Variants in SLC12A4 observed in about 807,000 individuals in gnomAD.
The protein encoded by SLC12A4 is solute carrier family 12 member 4.
A neutral mutation model predicts 119.2 loss-of-function variants in SLC12A4; 84 were observed. The observed-to-expected ratio is 0.70, with a 90% confidence interval of 0.59 to 0.85. SLC12A4 has a LOEUF of 0.85. SLC12A4 is among the 40% of genes least tolerant of loss of function. The pLI is 0.00. For synonymous variants in SLC12A4, 599 were observed against 604.6 expected, an observed-to-expected ratio of 0.99 and a Z score of 0.14; for missense variants, 1,298 against 1,476.3, an observed-to-expected ratio of 0.88 and a Z score of 1.98.
intron 3 of SLC12A4, among the ~76,000 whole-genome samples, chr16:67,958,427 C>A (rs547286956): frequency 6.6e-6 from 1 of 152,108 alleles, no homozygotes; most frequent in African/African-American, 2.4e-5. Flanking sequence ...CCCTCTCAAC[C>A]CCCAACTCTA....
rs529425568 is a variant in SLC12A4 at position 67,950,270 on chromosome 16, G to C, written c.1629+49C>G. The C allele has an allele frequency of 2.5e-6, 4 of 1,584,956 alleles. No individual in the cohort carries two copies. The highest frequency in any genetic ancestry group is 1.9e-4 in the Middle Eastern group (1 of 5,260). ...GTTCCCTATCTCTCTCCCCAGCCGG[G>C]CGAGGGCCTGGGAGCAGCCAGGCCA... On this transcript the variant is annotated intron_variant, in intron 12 of 23. Transcript: ENST00000316341. This position sits in a 1 kb window ranked among gnomAD's most constrained non-coding sequence, Gnocchi z 4.3.
At chr16:67,961,749 G>C in intron 2 of SLC12A4, 43 bp from the exon 3 acceptor site, 1 of 1,610,178 alleles carries the variant, frequency 6.2e-7, no homozygotes, top group Non-Finnish European at 8.5e-7. Flanking sequence ...GGGCCAGGTG[G>C]GTGCCAGCTG....
chr16:67,950,497 C>T lies in SLC12A4; in HGVS notation c.1455-4G>A. Reference sequence around the variant, plus strand: ...CCTGCTGACACCATCGCCATACCTGCAGGGGCCACCAGAGTGAGGGATGTC... The same window carrying T: ...CCTGCTGACACCATCGCCATACCTGTAGGGGCCACCAGAGTGAGGGATGTC... On this transcript the variant is annotated splice_region_variant and splice_polypyrimidine_tract_variant and intron_variant, in intron 11 of 23. Transcript: ENST00000316341. This position sits in a 1 kb window ranked among gnomAD's most constrained non-coding sequence, Gnocchi z 4.3. 1 of 1,613,762 alleles carries T rather than the reference C, an allele frequency of 6.2e-7. No homozygotes were observed. Among genetic ancestry groups the T allele is most frequent in the Non-Finnish European group, 8.5e-7 (1 of 1,179,872 alleles).
Position 67,945,883 on chromosome 16 carries a change from G to A in SLC12A4, c.2740-12C>T, listed in dbSNP as rs1262801036. 6.2e-7 allele frequency: 1 copy of A among 1,613,826 alleles called. No homozygotes were observed. Among genetic ancestry groups the A allele is most frequent in the Non-Finnish European group, 8.5e-7 (1 of 1,179,836 alleles). On this transcript the variant is annotated splice_polypyrimidine_tract_variant and intron_variant, in intron 20 of 23. Coordinates refer to ENST00000316341, the MANE Select transcript of SLC12A4 (RefSeq NM_005072.5). ...ATGTCACTGTTATGCTGGGGACAGG[G>A]TTGGCCGTGAGGACCCAGCTGCACG...
rs752371055 is a variant in SLC12A4 at position 67,947,116 on chromosome 16, C to T, written c.2073-11G>A. On this transcript the variant is annotated splice_polypyrimidine_tract_variant and intron_variant, in intron 16 of 23. Coordinates refer to ENST00000316341, the MANE Select transcript of SLC12A4 (RefSeq NM_005072.5). Reference sequence around the variant, plus strand: ...ACCAGCAGCTGCGGCCTGCAGTGGCCGGGTGGGGGGAGCCTGAGACCAGGG... The same window carrying T: ...ACCAGCAGCTGCGGCCTGCAGTGGCTGGGTGGGGGGAGCCTGAGACCAGGG... The T allele has an allele frequency of 1.4e-5, 22 of 1,574,362 alleles. No individual in the cohort carries two copies. Among genetic ancestry groups the T allele is most frequent in the South Asian group, 8.0e-5 (7 of 87,608 alleles).
At chr16:67,947,276 C>T (rs1017478395) in intron 16 of SLC12A4, 55 bp downstream of exon 16, 80 of 1,563,816 alleles carry the variant, frequency 5.1e-5, no homozygotes, top group African/African-American at 2.7e-5. Context: ...CCTCTGACCC[C>T]GACAGCGACC....
chr16:67,948,847 G>T (rs984421697), intron 13 of SLC12A4, among the ~76,000 whole-genome samples: 104 of 152,170 alleles, frequency 6.8e-4, no homozygotes, highest in Non-Finnish European at 2.1e-4. Context: ...GGGGTGTGGG[G>T]GGGTGGACAA....
rs1399580170 is a variant in SLC12A4, at chr16:67,951,593, GGGC to G, written c.1132+227_1132+229del. The stretch of plus-strand genomic sequence containing the variant: ...TGGGAACATCCCCAGGCAGTGTCAG[GGGC>G]TGGTGGCTGGGGAAGACAGGCTGCT... On this transcript the variant is annotated intron_variant, in intron 8 of 23. Coordinates refer to ENST00000316341, the MANE Select transcript of SLC12A4 (RefSeq NM_005072.5). This position sits in a 1 kb window ranked among gnomAD's most constrained non-coding sequence, Gnocchi z 5.2. 2.8e-5 allele frequency: 17 copies of G among 611,100 alleles called. No homozygotes were observed. The highest frequency in any genetic ancestry group is 4.6e-5 in the Non-Finnish European group (16 of 347,642). The allele number at this position is 611,100 out of a possible 1,614,324, so 37.9% of individuals were successfully genotyped here.
intron 2 of SLC12A4, chr16:67,962,890 A>C (rs2030657956): frequency 6.6e-6 from 1 of 152,246 alleles, no homozygotes; most frequent in Non-Finnish European, 1.5e-5. Context: ...TTACTCAGCC[A>C]TGCAGTGGCT....
In SLC12A4 at chr16:67,951,763, GCT is replaced by G. The variant is rs2029918855; in HGVS notation, c.1132+58_1132+59del. On this transcript the variant is annotated intron_variant, in intron 8 of 23. Transcript: ENST00000316341. This position sits in a 1 kb window ranked among gnomAD's most constrained non-coding sequence, Gnocchi z 5.2. Reference sequence around the variant, plus strand: ...GCTGGCCACACAAGGACAGCTCTGTGCTCTGTGCCCCTGCTCAGCCTGTGGGC... The same window carrying G: ...GCTGGCCACACAAGGACAGCTCTGTGCTGTGCCCCTGCTCAGCCTGTGGGC... 7.0e-7 allele frequency: 1 copy of G among 1,434,946 alleles called. No homozygotes were observed. Among genetic ancestry groups the G allele is most frequent in the Admixed American group, 2.0e-5 (1 of 50,964 alleles). 88.9% of individuals were successfully genotyped at this position (1,434,946 alleles called of 1,614,324 possible).
chr16:67,957,114 T>C (rs951511012), intron 5 of SLC12A4, among the ~76,000 whole-genome samples: 2 of 151,714 alleles, frequency 1.3e-5, no homozygotes, highest in Admixed American at 6.6e-5. Flanking sequence ...AGCTATTCTC[T>C]GCCTCAGCCT....
intron 3 of SLC12A4, 114 bp downstream of exon 3, chr16:67,961,461 T>G (rs2030560923): frequency 8.9e-6 from 13 of 1,460,298 alleles, no homozygotes; most frequent in Non-Finnish European, 1.2e-5. Context: ...CTGCTCACTA[T>G]GCTTGGCACC....
At chr16:67,963,682 G>T in intron 1 of SLC12A4, 123 bp from the exon 2 acceptor site, 1 of 849,136 alleles carries the variant, frequency 1.2e-6, no homozygotes, top group Non-Finnish European at 1.8e-6. Flanking sequence ...TCACCAGGTT[G>T]CAACTCAGTT....
At chr16:67,948,733 C>T (rs887459104) in intron 13 of SLC12A4, among the ~76,000 whole-genome samples, 7 of 152,118 alleles carry the variant, frequency 4.6e-5, no homozygotes, top group Middle Eastern at 6.8e-3. Context: ...GCAGGAGGCC[C>T]GAGATAAAGG....
At chr16:67,948,383 T>C (rs1044710846) in intron 13 of SLC12A4, among the ~76,000 whole-genome samples, 1 of 151,912 alleles carries the variant, frequency 6.6e-6, no homozygotes, top group Non-Finnish European at 1.5e-5. Flanking sequence ...GGGTTTGCTG[T>C]TGGAGGAGGT....
In SLC12A4 at chr16:67,952,194, G is replaced by C. The variant is rs769700175; in HGVS notation, c.907C>G (p.Pro303Ala). Residue 303 changes from proline (P) to alanine (A), a missense_variant, in exon 7 of 24, where the codon CCC becomes GCC. By Grantham distance (27) the Pro-to-Ala change is conservative. Transcript: ENST00000316341. ...TCCTGGGTTACTTACGGAAACACGG[G>C]AGGGTCAAATATAGACTTTATGCCC... Reference protein sequence around the residue: ...AGGIKSIFDPPVFPVCMLGNR... With the variant: ...AGGIKSIFDPAVFPVCMLGNR... The C allele has an allele frequency of 1.9e-6, 3 of 1,614,016 alleles. No homozygotes were observed. Among genetic ancestry groups the C allele is most frequent in the Non-Finnish European group, 2.5e-6 (3 of 1,179,944 alleles).
chr16:67,950,930 GC>G lies in SLC12A4; in HGVS notation c.1396+31del. 6.2e-7 allele frequency: 1 copy of G among 1,605,238 alleles called. No individual in the cohort carries two copies. The highest frequency in any genetic ancestry group is 2.2e-5 in the East Asian group (1 of 44,748). The stretch of plus-strand genomic sequence containing the variant: ...ACAGGCCAAGCGCTTCCCGTCCTCT[GC>G]CCCACCTGCCCCAGGCCTGGGAAAG... On this transcript the variant is annotated intron_variant, in intron 10 of 23. Transcript: ENST00000316341. This position sits in a 1 kb window ranked among gnomAD's most constrained non-coding sequence, Gnocchi z 4.3.
rs191111430 is a variant in SLC12A4 at position 67,952,525 on chromosome 16, C to T, written c.676-100G>A. On this transcript the variant is annotated intron_variant, in intron 6 of 23. Coordinates refer to ENST00000316341, the MANE Select transcript of SLC12A4 (RefSeq NM_005072.5). Reference sequence around the variant, plus strand: ...TTACGAGTACCTAAAAGAGGCCGGGCGCAGTGGCTCACGCCTGTAATCCCA... The same window carrying T: ...TTACGAGTACCTAAAAGAGGCCGGGTGCAGTGGCTCACGCCTGTAATCCCA... 2.3e-5 allele frequency: 31 copies of T among 1,336,252 alleles called. 1 individual carries two copies. Among genetic ancestry groups the T allele is most frequent in the Admixed American group, 2.1e-4 (12 of 57,096 alleles). 82.8% of individuals were successfully genotyped at this position (1,336,252 alleles called of 1,614,324 possible). A position where few individuals can be genotyped will look rare whatever the true frequency, so the allele number is the denominator to read the frequency against.
chr16:67,955,542 C>A (rs557047207), intron 5 of SLC12A4, among the ~76,000 whole-genome samples: 1 of 151,298 alleles, frequency 6.6e-6, no homozygotes, highest in Admixed American at 6.6e-5. Flanking sequence ...GGCAACATGG[C>A]GAGACCCCGT....
Sources: allele counts gnomAD v4.1 joint callset (sites outside exome capture counted in the v4.1 genomes callset), GRCh38; gene constraint gnomAD v4.1.1; non-coding constraint Gnocchi (gnomAD v3.1); transcripts MANE v1.5; gene names NCBI Gene and HGNC (gene_info 2026-07-23, HGNC 2026-07-21).